JAG1: variants seen among roughly 807,000 people sequenced by gnomAD.
The protein encoded by JAG1 is jagged canonical Notch ligand 1, also known as protein jagged-1.
Under a neutral mutation model 148.7 loss-of-function variants are expected in JAG1, and 23 were observed. The observed-to-expected ratio is 0.15, with a 90% CI of 0.11 to 0.22. The LOEUF (loss-of-function observed/expected upper bound fraction) is 0.22. Ranked by LOEUF, JAG1 falls within the 10% of genes least tolerant of loss-of-function variation. The pLI is 1.00. For missense variants in JAG1, 1,054 were observed against 1,611.2 expected, an observed-to-expected ratio of 0.65 and a Z score of 5.92; for synonymous variants, 572 against 598.3, an observed-to-expected ratio of 0.96 and a Z score of 0.64.
At chr20:10,669,635 G>A (rs2067482425) in intron 2 of JAG1, among the ~76,000 whole-genome samples, 1 of 130,008 alleles carries the variant, frequency 7.7e-6, no homozygotes, top group Non-Finnish European at 1.6e-5. Context: ...ATTTAAATAT[G>A]AGGCTAATAA....
chr20:10,663,584 T>C (rs553572539), intron 3 of JAG1, among the ~76,000 whole-genome samples: 2 of 152,354 alleles, frequency 1.3e-5, no homozygotes, highest in South Asian at 4.1e-4. Flanking sequence ...TATGGCTTTA[T>C]CTTTCTGATG....
chr20:10,667,447 T>C (rs1435006661), intron 2 of JAG1, among the ~76,000 whole-genome samples: 2 of 152,248 alleles, frequency 1.3e-5, no homozygotes, highest in Non-Finnish European at 1.5e-5. Flanking sequence ...GTCCTGCCTG[T>C]GTCTGGGTGG....
intron 2 of JAG1, among the ~76,000 whole-genome samples, chr20:10,665,436 T>A (rs1490076778): frequency 6.6e-6 from 1 of 152,230 alleles, no homozygotes; most frequent in Non-Finnish European, 1.5e-5. Flanking sequence ...CCCAGCCCTC[T>A]CCTGTTAGTG....
chr20:10,650,175 C>A, intron 9 of JAG1, 72 bp downstream of exon 9: 2 of 921,144 alleles, frequency 2.2e-6, no homozygotes, highest in South Asian at 2.7e-5. Flanking sequence ...GCCACACGCT[C>A]GTCTTCTGTA....
chr20:10,653,736 C>T (rs1027354569), intron 5 of JAG1, among the ~76,000 whole-genome samples: 5 of 152,124 alleles, frequency 3.3e-5, no homozygotes, highest in African/African-American at 4.8e-5. Flanking sequence ...GAAAGGCTTT[C>T]GGTTTCCCAA....
chr20:10,667,922 G>T (rs1249281381), intron 2 of JAG1, among the ~76,000 whole-genome samples: 1 of 152,100 alleles, frequency 6.6e-6, no homozygotes, highest in African/African-American at 2.4e-5. Context: ...GAGCAAGCCT[G>T]AACAAGAAGC....
chr20:10,671,613 G>GCTCCC (rs1302622075), intron 2 of JAG1, among the ~76,000 whole-genome samples: 1 of 152,060 alleles, frequency 6.6e-6, no homozygotes, highest in African/African-American at 2.4e-5. Flanking sequence ...GGGGCACCGA[G>GCTCCC]CTCCCCCTCT....
chr20:10,668,882 G>A (rs923769685), intron 2 of JAG1, among the ~76,000 whole-genome samples: 2 of 152,040 alleles, frequency 1.3e-5, no homozygotes, highest in Non-Finnish European at 2.9e-5. Context: ...AAGTTTCACC[G>A]TTTTCTAAAA....
Position 10,673,429 on chromosome 20 carries a change from G to T in JAG1, c.81+21C>A. The T allele has an allele frequency of 6.9e-7, 1 of 1,439,122 alleles. No individual in the cohort carries two copies. The highest frequency in any genetic ancestry group is 9.2e-7 in the Non-Finnish European group (1 of 1,091,804). The allele number at this position is 1,439,122 out of a possible 1,614,324, so 89.1% of individuals were successfully genotyped here. A position where few individuals can be genotyped will look rare whatever the true frequency, so the allele number is the denominator to read the frequency against. On this transcript the variant is annotated intron_variant, in intron 1 of 25. Transcript: ENST00000254958. This position sits in a 1 kb window ranked among gnomAD's most constrained non-coding sequence, Gnocchi z 4.7. ...GGAGGGAGAGGACGGCTGGGAGGGA[G>T]GCCCGGAGAAGGGCTCCTACCTTGG...
chr20:10,649,145 T>C (rs745319272), intron 10 of JAG1, 38 bp from the exon 11 acceptor site: 1 of 1,433,354 alleles, frequency 7.0e-7, no homozygotes, highest in East Asian at 2.3e-5. Context: ...AAGAGGTAAT[T>C]TACAGTGAAA....
chr20:10,660,164 A>G (rs2067406205), intron 3 of JAG1, among the ~76,000 whole-genome samples: 1 of 152,140 alleles, frequency 6.6e-6, no homozygotes, highest in Non-Finnish European at 1.5e-5. Context: ...TGACCAGGAG[A>G]GAAGGGACTC....
chr20:10,644,389 AAAG>A lies in JAG1; in HGVS notation c.2345-8_2345-6del, dbSNP rs1396652277. The stretch of plus-strand genomic sequence containing the variant: ...GAGGGCTGCAGTCATTGGTATCTGC[AAAG>A]AAAAGACAACTTAATAGTGAGGACT... On this transcript the variant is annotated splice_polypyrimidine_tract_variant and splice_region_variant and intron_variant, in intron 18 of 25. Transcript: ENST00000254958. 1.2e-6 allele frequency: 2 copies of A among 1,612,880 alleles called. No homozygotes were observed. Among genetic ancestry groups the A allele is most frequent in the Non-Finnish European group, 1.7e-6 (2 of 1,179,020 alleles).
chr20:10,668,092 TAAAA>T (rs58852175), intron 2 of JAG1, among the ~76,000 whole-genome samples: 1,627 of 107,252 alleles, frequency 0.015, 27 homozygotes, highest in Admixed American at 0.053. Context: ...ACTGGCACCA[TAAAA>T]AAAAAAAAAA....
intron 4 of JAG1, among the ~76,000 whole-genome samples, chr20:10,657,808 C>T (rs528235906): frequency 6.6e-6 from 1 of 152,268 alleles, no homozygotes; most frequent in African/African-American, 2.4e-5. Context: ...CATACCTCTC[C>T]CCATCAAAGC....
At chr20:10,648,187 G>T in intron 12 of JAG1, 77 bp from the exon 13 acceptor site, 1 of 1,543,010 alleles carries the variant, frequency 6.5e-7, no homozygotes, top group Non-Finnish European at 9.0e-7. Context: ...CTCTGGGGCA[G>T]CAGGCACTGG....
chr20:10,643,252 G>T (rs1044688364), intron 20 of JAG1, among the ~76,000 whole-genome samples: 9 of 152,186 alleles, frequency 5.9e-5, no homozygotes, highest in Non-Finnish European at 1.2e-4. Context: ...AAGAGAAAGG[G>T]CTTGTAAAAA....
rs376881523 is a variant in JAG1 at position 10,639,492 on chromosome 20, G to A, written c.*6C>T. 5.0e-4 allele frequency: 813 copies of A among 1,613,008 alleles called. No homozygotes were observed. The highest frequency in any genetic ancestry group is 6.2e-4 in the Non-Finnish European group (731 of 1,179,144). The stretch of plus-strand genomic sequence containing the variant: ...TCTACCTAGCGGCGGCAGTGCCCGC[G>A]GTCTGCTATACGATGTACTCCATTC... On this transcript the variant is annotated 3_prime_UTR_variant, in exon 26 of 26. Transcript: ENST00000254958.
intron 8 of JAG1, 39 bp downstream of exon 8, chr20:10,651,542 G>T: frequency 7.2e-7 from 1 of 1,387,148 alleles, no homozygotes; most frequent in Non-Finnish European, 1.0e-6. Context: ...CTTGGCACAA[G>T]GATCCTTAGA....
chr20:10,646,083 A>G lies in JAG1; in HGVS notation c.1887T>C (p.Asn629=), dbSNP rs546813608. 35 of 1,605,756 alleles carry G rather than the reference A, an allele frequency of 2.2e-5. No individual in the cohort carries two copies. In the South Asian group the frequency reaches 3.7e-4, roughly 17 times the overall value. ...AAGGGTTGCTCTCACAGTCATTAAT[A>G]TCTATGAAACAAAGTAAAGCAAAAA... ...KGFTGTYCHE[N]INDCESNPCR... is the part of the protein sequence containing the mutation. Residue 629 remains asparagine, a splice_region_variant and synonymous_variant, in exon 15 of 26, where the codon AAT becomes AAC. Transcript: ENST00000254958.
Sources: gnomAD v4.1 joint callset for allele counts (sites outside exome capture counted in the v4.1 genomes callset) on GRCh38, gnomAD v4.1.1 for gene constraint, Gnocchi (gnomAD v3.1) non-coding constraint, MANE v1.5 for transcripts, NCBI Gene and HGNC (gene_info 2026-07-23, HGNC 2026-07-21) for gene names.